The following NAA35 variants were observed in gnomAD, a reference collection of about 807,000 sequenced individuals.
The protein encoded by NAA35 is N-alpha-acetyltransferase 35, NatC auxiliary subunit.
In NAA35, 18 loss-of-function variants were observed where a neutral mutation model predicts 101.7. The observed-to-expected ratio is 0.18, with a 90% CI of 0.12 to 0.26. The LOEUF (loss-of-function observed/expected upper bound fraction) is 0.26, where lower values mean the gene tolerates loss of function less well. NAA35 is among the 10% of genes least tolerant of loss of function. The pLI is 1.00. For missense variants in NAA35, 601 were observed against 886.8 expected (o/e 0.68, Z 4.09); for synonymous variants, 267 against 273.1 (o/e 0.98, Z 0.22).
At position 86,005,486 on chromosome 9, in the gene NAA35, A is replaced by G. The variant is rs144568647; in HGVS notation, c.1116+1842A>G. 1.6e-3 allele frequency among the ~76,000 whole-genome samples: 248 copies of G among 152,366 alleles called. 1 individual carries two copies. The highest frequency in any genetic ancestry group is 3.8e-3 in the African/African-American group (158 of 41,590). ...CATTGGAAATCTTAGCCAGTGCAAT[A>G]AAGCAAGAAAAAGAAATAAATGGCA... On this transcript the variant is annotated intron_variant, in intron 13 of 22. Coordinates refer to ENST00000361671, the MANE Select transcript of NAA35 (RefSeq NM_024635.4).
At chr9:85,959,770 G>A (rs1282404154) in intron 4 of NAA35, 23 bp from the exon 5 acceptor site, 1 of 1,578,602 alleles carries the variant, frequency 6.3e-7, no homozygotes. Context: ...CTGCTTATAT[G>A]TCACATTCTT....
At chr9:85,951,130 T>G (rs1031400048) in intron 2 of NAA35, among the ~76,000 whole-genome samples, 2 of 145,900 alleles carry the variant, frequency 1.4e-5, no homozygotes, top group Non-Finnish European at 3.0e-5. Flanking sequence ...AGAGTGAGAC[T>G]CCATCTCAAA....
intron 17 of NAA35, chr9:86,015,807 A>G (rs1832181338): frequency 2.0e-6 from 2 of 978,320 alleles, no homozygotes; most frequent in Non-Finnish European, 2.4e-6. Flanking sequence ...GGTAGAAGAC[A>G]TCATCAGTTG....
intron 13 of NAA35, 45 bp downstream of exon 13, chr9:86,003,689 T>C: frequency 8.9e-7 from 1 of 1,125,742 alleles, no homozygotes; most frequent in Non-Finnish European, 1.3e-6. Flanking sequence ...ACATTATATG[T>C]GTATTGACAT....
At chr9:85,947,428 A>G (rs1828820238) in intron 2 of NAA35, among the ~76,000 whole-genome samples, 1 of 152,210 alleles carries the variant, frequency 6.6e-6, no homozygotes, top group South Asian at 2.1e-4. Context: ...GGATGAATGG[A>G]TGGAAATTGT....
chr9:85,972,140 A>G (rs1280986386), intron 6 of NAA35, among the ~76,000 whole-genome samples: 1 of 152,078 alleles, frequency 6.6e-6, no homozygotes, highest in African/African-American at 2.4e-5. Flanking sequence ...TTCTTGGCAA[A>G]CTTACAGATA....
At chr9:85,973,824 T>A (rs905137638) in intron 6 of NAA35, among the ~76,000 whole-genome samples, 5 of 152,116 alleles carry the variant, frequency 3.3e-5, no homozygotes, top group African/African-American at 1.2e-4. Flanking sequence ...GACATTGGGT[T>A]TATTTTCTTA....
chr9:85,959,348 G>C (rs887920190), intron 4 of NAA35, among the ~76,000 whole-genome samples: 3 of 149,062 alleles, frequency 2.0e-5, no homozygotes, highest in Non-Finnish European at 4.4e-5. Context: ...CTGCACTCCA[G>C]CCTGGGCGAC....
intron 3 of NAA35, 131 bp from the exon 4 acceptor site, chr9:85,958,341 A>G (rs1208024443): frequency 1.7e-5 from 9 of 523,736 alleles, no homozygotes; most frequent in Non-Finnish European, 2.7e-5. Flanking sequence ...TAGAAGTGTT[A>G]GCAAGTTGAG....
chr9:86,024,773 T>C lies in NAA35; in HGVS notation c.*2813T>C, dbSNP rs775692627. Among the ~76,000 whole-genome samples the C allele has an allele frequency of 6.6e-6, 1 of 152,170 alleles. No individual in the cohort carries two copies. Among genetic ancestry groups the C allele is most frequent in the Admixed American group, 6.5e-5 (1 of 15,280 alleles). On this transcript the variant is annotated 3_prime_UTR_variant, in exon 23 of 23. Transcript: ENST00000361671. ...AAAGATTGCTTTAGACATTGAGATA[T>C]CTTTGGGACATCCTGGTGAAGATGG... is the stretch of plus-strand genomic sequence containing the variant.
intron 12 of NAA35, among the ~76,000 whole-genome samples, 167 bp downstream of exon 12, chr9:85,996,744 C>G (rs180954614): frequency 1.4e-4 from 22 of 152,280 alleles, no homozygotes; most frequent in African/African-American, 5.3e-4. Context: ...TCTGTGATAG[C>G]TAGAGGATTA....
intron 2 of NAA35, among the ~76,000 whole-genome samples, chr9:85,944,973 G>T (rs1828694201): frequency 6.6e-6 from 1 of 152,164 alleles, no homozygotes; most frequent in African/African-American, 2.4e-5. Flanking sequence ...TTTTAGTCTT[G>T]CAGCTTTCTT....
rs1353687321 is a variant in NAA35 at position 86,023,973 on chromosome 9, C to G, written c.*2013C>G. On this transcript the variant is annotated 3_prime_UTR_variant, in exon 23 of 23. Transcript: ENST00000361671. Reference sequence around the variant, plus strand: ...AGCTGGGATTATAGGCAAATGCCTGCTTGGCTAGTTTTTGTTTTTAAACAG... The same window carrying G: ...AGCTGGGATTATAGGCAAATGCCTGGTTGGCTAGTTTTTGTTTTTAAACAG... Among the ~76,000 whole-genome samples the G allele has an allele frequency of 1.3e-5, 2 of 152,194 alleles. No individual in the cohort carries two copies. Among genetic ancestry groups the G allele is most frequent in the Non-Finnish European group, 2.9e-5 (2 of 68,028 alleles).
At chr9:85,998,150 G>A (rs1288374597) in intron 12 of NAA35, among the ~76,000 whole-genome samples, 3 of 152,050 alleles carry the variant, frequency 2.0e-5, no homozygotes, top group African/African-American at 4.8e-5. Context: ...TCCTGACCTC[G>A]TGATCCACCC....
intron 17 of NAA35, 137 bp downstream of exon 17, chr9:86,014,034 T>C (rs1034623044): frequency 3.7e-5 from 23 of 613,774 alleles, no homozygotes; most frequent in African/African-American, 3.3e-4. Flanking sequence ...ATTTGAAAAT[T>C]AGAGCTAGAT....
At chr9:86,007,286 A>T (rs1267686209) in intron 13 of NAA35, 72 bp from the exon 14 acceptor site, 8 of 1,082,056 alleles carry the variant, frequency 7.4e-6, no homozygotes, top group East Asian at 4.9e-5. Flanking sequence ...TGGCATTTAT[A>T]AGTATACTGA....
intron 6 of NAA35, among the ~76,000 whole-genome samples, chr9:85,971,271 C>T (rs910766452): frequency 9.2e-5 from 14 of 152,138 alleles, no homozygotes; most frequent in African/African-American, 3.4e-4. Flanking sequence ...GGTCTTTACC[C>T]ATCTTGCTAA....
chr9:86,018,624 T>G lies in NAA35; in HGVS notation c.1915-75T>G. 2.6e-6 allele frequency: 4 copies of G among 1,541,390 alleles called. No individual in the cohort carries two copies. In the Admixed American group the frequency reaches 6.0e-5, roughly 23 times the overall value. On this transcript the variant is annotated intron_variant, in intron 20 of 22. Transcript: ENST00000361671. The stretch of plus-strand genomic sequence containing the variant: ...TGAGTGGATAGAAAATGTAGAATTC[T>G]TTAATAATTAGAAATGGGATTTTAG...
intron 15 of NAA35, 38 bp from the exon 16 acceptor site, chr9:86,013,008 T>G (rs754406991): frequency 1.2e-5 from 17 of 1,380,696 alleles, no homozygotes; most frequent in South Asian, 1.6e-5. Context: ...ACTAGGAAAT[T>G]TCATATTTAC....
Sources: gnomAD v4.1 joint callset for allele counts (sites outside exome capture counted in the v4.1 genomes callset) on GRCh38, gnomAD v4.1.1 for gene constraint, MANE v1.5 for transcripts, NCBI Gene and HGNC (gene_info 2026-07-23, HGNC 2026-07-21) for gene names.